Variants in PTGER3 observed in about 807,000 individuals in gnomAD.
PTGER3 encodes prostaglandin E receptor 3, also known as prostaglandin E2 receptor EP3 subtype.
In PTGER3, 22 loss-of-function variants were observed where a neutral mutation model predicts 34.7. The observed-to-expected ratio is 0.63, with a 90% confidence interval of 0.45 to 0.91. The LOEUF (loss-of-function observed/expected upper bound fraction) is 0.91, where lower values mean the gene tolerates loss of function less well. Among genes scored for constraint, PTGER3 ranks in the 40% least tolerant of loss-of-function variants. The pLI is 0.00. For synonymous variants in PTGER3, 241 were observed against 230.1 expected, an observed-to-expected ratio of 1.05 and a Z score of -0.43; for missense variants, 468 against 519.4, an observed-to-expected ratio of 0.90 and a Z score of 0.96.
rs145920747 is a variant in PTGER3, at chr1:70,855,070, C to A, written c.*24-2211G>T. The stretch of plus-strand genomic sequence containing the variant: ...CTCAATACCAAGAGGTGAAAGCAAC[C>A]CAAATGTCCACTGACATATAAATGG... On this transcript the variant is annotated intron_variant, in intron 4 of 4. Coordinates refer to the PTGER3 transcript ENST00000370931. Among the ~76,000 whole-genome samples, 584 of 152,156 alleles carry A rather than the reference C, an allele frequency of 3.8e-3. 6 individuals carry two copies. Among genetic ancestry groups the A allele is most frequent in the African/African-American group, 0.013 (550 of 41,498 alleles).
intron 4 of PTGER3, among the ~76,000 whole-genome samples, chr1:70,881,612 T>C (rs961891843): frequency 3.9e-5 from 6 of 152,156 alleles, no homozygotes; most frequent in African/African-American, 9.7e-5. Flanking sequence ...TTTATCTTTT[T>C]TGGTGCCCTT....
chr1:70,962,592 G>A (rs187010875), intron 2 of PTGER3, among the ~76,000 whole-genome samples: 15 of 152,290 alleles, frequency 9.8e-5, no homozygotes, highest in African/African-American at 3.6e-4. Context: ...ATGGCGGCAG[G>A]CCAAGAGAGT....
At chr1:70,858,047 G>A (rs973498565) in intron 4 of PTGER3, among the ~76,000 whole-genome samples, 25 of 152,146 alleles carry the variant, frequency 1.6e-4, no homozygotes, top group African/African-American at 5.8e-4. Flanking sequence ...TACAGTGAAT[G>A]TCTCAAGAAC....
At chr1:70,998,628 A>G (rs1003363992) in intron 2 of PTGER3, among the ~76,000 whole-genome samples, 5 of 152,224 alleles carry the variant, frequency 3.3e-5, no homozygotes, top group African/African-American at 1.2e-4. Flanking sequence ...ACTGCTGTGA[A>G]TCCAAGTACT....
intron 4 of PTGER3, among the ~76,000 whole-genome samples, chr1:70,857,104 T>C (rs564125457): frequency 6.6e-6 from 1 of 152,356 alleles, no homozygotes; most frequent in East Asian, 1.9e-4. Context: ...CTAAACTAAA[T>C]GTAGAACACA....
intron 1 of PTGER3, among the ~76,000 whole-genome samples, chr1:71,031,002 A>C (rs895164217): frequency 1.4e-4 from 21 of 152,212 alleles, no homozygotes; most frequent in Admixed American, 5.9e-4. Context: ...TGATTAGAGA[A>C]AGTTATAAAA....
chr1:71,040,114 AAG>A (rs1426733318), intron 1 of PTGER3, among the ~76,000 whole-genome samples: 2 of 151,766 alleles, frequency 1.3e-5, no homozygotes, highest in African/African-American at 4.8e-5. Context: ...GAAAGAAAGA[AAG>A]AAAAAAAAGA....
intron 2 of PTGER3, among the ~76,000 whole-genome samples, chr1:70,995,557 A>T (rs1462271767): frequency 6.6e-6 from 1 of 152,226 alleles, no homozygotes. Context: ...TACTACACCT[A>T]GTCTTAGTCT....
At chr1:70,877,939 T>C (rs747806774) in intron 4 of PTGER3, among the ~76,000 whole-genome samples, 18 of 152,280 alleles carry the variant, frequency 1.2e-4, no homozygotes, top group Middle Eastern at 3.4e-3. Context: ...CAGGTTTTGG[T>C]ATTAGGATCA....
intron 4 of PTGER3, among the ~76,000 whole-genome samples, chr1:70,940,889 C>A (rs745421099): frequency 6.6e-6 from 1 of 152,142 alleles, no homozygotes; most frequent in Non-Finnish European, 1.5e-5. Flanking sequence ...ATTCATGTTT[C>A]TAACTCATGG....
chr1:71,029,718 G>A (rs1659235714), intron 1 of PTGER3, among the ~76,000 whole-genome samples: 1 of 152,030 alleles, frequency 6.6e-6, no homozygotes, highest in Non-Finnish European at 1.5e-5. Context: ...TTGAGGTCAG[G>A]AATTCGAGAC....
chr1:70,855,906 G>A (rs1645791277), intron 4 of PTGER3, among the ~76,000 whole-genome samples: 1 of 152,144 alleles, frequency 6.6e-6, no homozygotes, highest in South Asian at 2.1e-4. Context: ...CTGGGGAAGT[G>A]GGGTCAGTTC....
chr1:70,868,447 T>G (rs1646092428), intron 4 of PTGER3, among the ~76,000 whole-genome samples: 1 of 152,198 alleles, frequency 6.6e-6, no homozygotes, highest in Admixed American at 6.5e-5. Flanking sequence ...CTGTTTATTA[T>G]TTACAAGCTC....
downstream of PTGER3, among the ~76,000 whole-genome samples, chr1:70,948,198 C>T (rs182183426): frequency 1.3e-5 from 2 of 152,154 alleles, no homozygotes; most frequent in Non-Finnish European, 2.9e-5. Context: ...TATCCCCACC[C>T]AAATCTCTGC....
At chr1:70,915,730 G>A (rs1027445677) in intron 4 of PTGER3, among the ~76,000 whole-genome samples, 8 of 151,888 alleles carry the variant, frequency 5.3e-5, no homozygotes, top group African/African-American at 1.9e-4. Flanking sequence ...CCCACTGCTT[G>A]TTTTTCTTGT....
At chr1:70,974,160 GCACTCTTAATCAGATGTATATGTTTAA>G in intron 3 of PTGER3, 110 bp downstream of exon 3, 1 of 1,263,650 alleles carries the variant, frequency 7.9e-7, no homozygotes, top group Non-Finnish European at 1.0e-6. Context: ...AAGGAATCTA[GCACTCTTAATCAGATGTATATGTTTAA>G]TTTGCATTTT....
chr1:70,869,240 T>G lies in PTGER3; in HGVS notation c.*24-16381A>C, dbSNP rs538746850. 594 of 469,590 alleles carry G rather than the reference T, an allele frequency of 1.3e-3. 5 individuals are homozygous for G. The highest frequency in any genetic ancestry group is 8.6e-3 in the South Asian group (555 of 64,306). The allele number at this position is 469,590 out of a possible 1,614,324, so 29.1% of individuals were successfully genotyped here. ...ACAACCAAATTTTGCAAGAACTCAC[T>G]CACTATCATGAGAACTGCACCAAGT... On this transcript the variant is annotated intron_variant, in intron 4 of 4. Coordinates refer to the PTGER3 transcript ENST00000370931.
rs1254336389 is a variant in PTGER3, at chr1:70,945,379, C to T, written c.*23+8384G>A. Among the ~76,000 whole-genome samples, 3 of 152,150 alleles carry T rather than the reference C, an allele frequency of 2.0e-5. No homozygotes were observed. In the East Asian group the frequency reaches 5.8e-4, roughly 29 times the overall value. On this transcript the variant is annotated intron_variant, in intron 4 of 4. Coordinates refer to the PTGER3 transcript ENST00000370931. Reference sequence around the variant, plus strand: ...CATTCATGGCTTTTGCTTGAAAATACCTGCTTTCAAATTCACACTGTGTCT... The same window carrying T: ...CATTCATGGCTTTTGCTTGAAAATATCTGCTTTCAAATTCACACTGTGTCT...
chr1:70,913,610 C>A (rs1161986138), intron 4 of PTGER3, among the ~76,000 whole-genome samples: 1 of 151,852 alleles, frequency 6.6e-6, no homozygotes, highest in Non-Finnish European at 1.5e-5. Context: ...GATATTAAGC[C>A]ACAGAATATT....
Sources: allele counts gnomAD v4.1 joint callset (sites outside exome capture counted in the v4.1 genomes callset), GRCh38; gene constraint gnomAD v4.1.1; transcripts MANE v1.5; gene names NCBI Gene and HGNC (gene_info 2026-07-23, HGNC 2026-07-21).